Variants in SV2C observed in about 807,000 individuals in gnomAD.
SV2C encodes synaptic vesicle glycoprotein 2C.
SV2C carries 49 observed loss-of-function variants against 79.7 expected under a neutral mutation model. The observed-to-expected ratio is 0.61, with a 90% CI of 0.49 to 0.78. The LOEUF is 0.78. SV2C is among the 30% of genes least tolerant of loss of function. The pLI is 0.00. For synonymous variants in SV2C, 334 were observed against 333.2 expected (o/e 1.00, Z -0.03); for missense variants, 833 against 912.9 (o/e 0.91, Z 1.13).
chr5:75,988,662 T>G, the SV2C span, among the ~76,000 whole-genome samples: 2 of 151,922 alleles, frequency 1.3e-5, no homozygotes, highest in Non-Finnish European at 2.9e-5. Context: ...GGTGGATCAG[T>G]GCAGACATAA....
intron 2 of SV2C, chr5:76,173,917 T>G: frequency 1.9e-6 from 3 of 1,589,334 alleles, no homozygotes; most frequent in Non-Finnish European, 2.6e-6. Context: ...AATCGTTAAA[T>G]GTGGACTGTG....
rs73764325 is a variant in SV2C, at chr5:76,331,538, G to C, written c.*5991G>C. 0.08 allele frequency: 12,223 copies of C among 152,216 alleles called. 911 individuals carry two copies. Among genetic ancestry groups the C allele is most frequent in the African/African-American group, 0.19 (8,071 of 41,468 alleles). 9.4% of individuals were successfully genotyped at this position (152,216 alleles called of 1,614,324 possible). Reference sequence around the variant, plus strand: ...ATGTTTGGGGTTCTAGGGCCTGCAGGGGGGCAGAGCAGAAAGAGGGTAGTT... The same window carrying C: ...ATGTTTGGGGTTCTAGGGCCTGCAGCGGGGCAGAGCAGAAAGAGGGTAGTT... On this transcript the variant is annotated 3_prime_UTR_variant, in exon 13 of 13. Coordinates refer to ENST00000502798, the MANE Select transcript of SV2C (RefSeq NM_014979.4).
chr5:76,207,378 G>A (rs1744638464), intron 3 of SV2C, among the ~76,000 whole-genome samples: 1 of 152,016 alleles, frequency 6.6e-6, no homozygotes, highest in Admixed American at 6.5e-5. Context: ...AGTTAAGCTG[G>A]GATTTTATGG....
chr5:75,983,703 T>C, the SV2C span, among the ~76,000 whole-genome samples: 2 of 152,074 alleles, frequency 1.3e-5, no homozygotes, highest in Admixed American at 6.6e-5. Context: ...ACTGTGATAG[T>C]TGCATTCATA....
chr5:76,185,253 G>A (rs961801051), intron 2 of SV2C, among the ~76,000 whole-genome samples: 1 of 152,250 alleles, frequency 6.6e-6, no homozygotes, highest in Non-Finnish European at 1.5e-5. Flanking sequence ...GCTTTCATGG[G>A]CTGGCATTGA....
intron 2 of SV2C, among the ~76,000 whole-genome samples, chr5:76,192,542 G>A (rs751434944): frequency 6.6e-6 from 1 of 152,134 alleles, no homozygotes; most frequent in Non-Finnish European, 1.5e-5. Context: ...ATAACACTGT[G>A]AATATAGAAA....
the SV2C span, among the ~76,000 whole-genome samples, chr5:76,021,331 T>C: frequency 6.6e-6 from 1 of 152,238 alleles, no homozygotes; most frequent in African/African-American, 2.4e-5. Flanking sequence ...GTGTGCATTA[T>C]ATAAATTTAA....
chr5:76,085,414 C>T (rs980180140), intron 1 of SV2C, among the ~76,000 whole-genome samples: 1 of 152,166 alleles, frequency 6.6e-6, no homozygotes, highest in East Asian at 1.9e-4. Flanking sequence ...AATCCACGAT[C>T]CATTTTATTC....
the SV2C span, among the ~76,000 whole-genome samples, chr5:76,014,896 A>G: frequency 6.6e-6 from 1 of 152,198 alleles, no homozygotes; most frequent in African/African-American, 2.4e-5. Context: ...AGAGAAACCA[A>G]AGATATACCT....
At chr5:75,950,110 C>A in the SV2C span, among the ~76,000 whole-genome samples, 4 of 152,030 alleles carry the variant, frequency 2.6e-5, no homozygotes, top group Admixed American at 6.6e-5. Context: ...GAACTGAGCC[C>A]TGGGGCACTG....
At chr5:76,183,102 T>A (rs1743803409) in intron 2 of SV2C, among the ~76,000 whole-genome samples, 1 of 145,214 alleles carries the variant, frequency 6.9e-6, no homozygotes, top group Non-Finnish European at 1.5e-5. Flanking sequence ...AGTGGCATGA[T>A]CTTGGCTCAC....
At chr5:76,040,789 C>G in the SV2C span, among the ~76,000 whole-genome samples, 1 of 152,202 alleles carries the variant, frequency 6.6e-6, no homozygotes, top group African/African-American at 2.4e-5. Flanking sequence ...ACAGTGCTGG[C>G]TACCTTGAGT....
rs146674333 is a variant in SV2C at position 76,127,813 on chromosome 5, G to T, written c.-101-3837G>T. On this transcript the variant is annotated intron_variant, in intron 1 of 12. Transcript: ENST00000502798. ...GGGGTTATGAAAGCCTAGCACCTTT[G>T]CCCGAGTGGGGAAAAATTCCGAGGC... 5.6e-3 allele frequency among the ~76,000 whole-genome samples: 847 copies of T among 152,278 alleles called. 9 individuals carry two copies. Among genetic ancestry groups the T allele is most frequent in the African/African-American group, 0.019 (784 of 41,562 alleles).
At chr5:76,293,687 G>T (rs184231319) in intron 8 of SV2C, among the ~76,000 whole-genome samples, 3 of 152,278 alleles carry the variant, frequency 2.0e-5, no homozygotes, top group Admixed American at 6.5e-5. Flanking sequence ...AAGAAAAGGG[G>T]TGGGAATCCT....
At chr5:76,248,545 T>G (rs1026552539) in intron 4 of SV2C, among the ~76,000 whole-genome samples, 1 of 152,118 alleles carries the variant, frequency 6.6e-6, no homozygotes, top group Non-Finnish European at 1.5e-5. Context: ...AATATATAAA[T>G]TTGGAGGGGA....
downstream of SV2C, among the ~76,000 whole-genome samples, chr5:76,335,219 C>G (rs1484554840): frequency 6.6e-6 from 1 of 152,138 alleles, no homozygotes; most frequent in African/African-American, 2.4e-5. Context: ...TGTTCCTTCT[C>G]TTGGAACCAG....
chr5:76,149,000 T>A (rs1463932494), intron 2 of SV2C, among the ~76,000 whole-genome samples: 1 of 152,146 alleles, frequency 6.6e-6, no homozygotes, highest in Admixed American at 6.5e-5. Context: ...AAGGTCGGGG[T>A]AGTTAGGGTT....
At chr5:75,966,657 C>G in the SV2C span, among the ~76,000 whole-genome samples, 10 of 152,168 alleles carry the variant, frequency 6.6e-5, no homozygotes, top group African/African-American at 2.2e-4. Context: ...TAGCCAACAG[C>G]CACATGCCAC....
chr5:75,973,148 G>A, the SV2C span, among the ~76,000 whole-genome samples: 4 of 151,718 alleles, frequency 2.6e-5, no homozygotes, highest in Admixed American at 1.3e-4. Flanking sequence ...GACACAGGAA[G>A]GGGAACATCA....
Sources: allele counts gnomAD v4.1 joint callset (sites outside exome capture counted in the v4.1 genomes callset), GRCh38; gene constraint gnomAD v4.1.1; transcripts MANE v1.5; gene names NCBI Gene and HGNC (gene_info 2026-07-23, HGNC 2026-07-21).